DNAJC5B: variants seen among roughly 807,000 people sequenced by gnomAD.
DNAJC5B encodes the protein dnaJ homolog subfamily C member 5B.
DNAJC5B carries 23 observed loss-of-function variants against 24.7 expected under a neutral mutation model. The ratio of observed to expected loss-of-function variants is 0.93; its 90% CI spans 0.67 to 1.32. DNAJC5B has a LOEUF of 1.32. Among genes scored for constraint, DNAJC5B ranks in the 40% most tolerant of loss-of-function variants. The pLI is 0.00. For synonymous variants in DNAJC5B, 101 were observed against 90.1 expected, an observed-to-expected ratio of 1.12 and a Z score of -0.68; for missense variants, 238 against 240.8, an observed-to-expected ratio of 0.99 and a Z score of 0.08.
chr8:66,019,499 C>A (rs754543111), upstream of DNAJC5B, among the ~76,000 whole-genome samples: 18 of 152,190 alleles, frequency 1.2e-4, no homozygotes, highest in Non-Finnish European at 2.1e-4. Flanking sequence ...GGACCAAATT[C>A]ATGCATTAAT....
intron 1 of DNAJC5B, among the ~76,000 whole-genome samples, chr8:66,028,698 G>C (rs530287347): frequency 3.3e-5 from 5 of 151,984 alleles, no homozygotes; most frequent in African/African-American, 1.2e-4. Flanking sequence ...CATCTTTCCC[G>C]AACCCATCAC....
At chr8:66,087,592 A>C (rs912400313) in intron 5 of DNAJC5B, among the ~76,000 whole-genome samples, 9 of 152,202 alleles carry the variant, frequency 5.9e-5, no homozygotes, top group Non-Finnish European at 1.0e-4. Context: ...AAAGCAAGTT[A>C]GTTACTTCCA....
At chr8:66,088,199 C>G (rs1019261550) in intron 5 of DNAJC5B, among the ~76,000 whole-genome samples, 1 of 152,220 alleles carries the variant, frequency 6.6e-6, no homozygotes, top group Non-Finnish European at 1.5e-5. Context: ...ATTTGAGGCA[C>G]CCTCTGAAGC....
At chr8:66,035,421 G>C (rs1482412423) in intron 1 of DNAJC5B, among the ~76,000 whole-genome samples, 1 of 152,280 alleles carries the variant, frequency 6.6e-6, no homozygotes, top group East Asian at 1.9e-4. Flanking sequence ...TACTGGAGTA[G>C]GGTGGGCCCT....
intron 4 of DNAJC5B, among the ~76,000 whole-genome samples, chr8:66,077,549 T>A (rs1157943180): frequency 1.3e-5 from 2 of 152,204 alleles, no homozygotes; most frequent in African/African-American, 4.8e-5. Context: ...TTTTTATTTG[T>A]TTGTGAATAT....
intron 1 of DNAJC5B, among the ~76,000 whole-genome samples, chr8:66,033,770 CTTTTTTTTTTTT>C (rs765814272): frequency 1.1e-3 from 111 of 105,396 alleles, no homozygotes; most frequent in African/African-American, 4.3e-3. Context: ...GATCATTCCG[CTTTTTTTTTTTT>C]TTTTTTTTTT....
intron 5 of DNAJC5B, among the ~76,000 whole-genome samples, chr8:66,094,076 T>C (rs1807901674): frequency 6.6e-6 from 1 of 152,148 alleles, no homozygotes; most frequent in South Asian, 2.1e-4. Flanking sequence ...ACCAAGCCCA[T>C]TTATCACAAT....
chr8:66,094,939 C>T (rs1281307835), intron 5 of DNAJC5B, among the ~76,000 whole-genome samples: 2 of 151,966 alleles, frequency 1.3e-5, no homozygotes, highest in African/African-American at 2.4e-5. Context: ...ACTTTGCACT[C>T]CTTAGATAAT....
the DNAJC5B span, among the ~76,000 whole-genome samples, chr8:66,016,369 G>A: frequency 6.6e-6 from 1 of 152,128 alleles, no homozygotes; most frequent in African/African-American, 2.4e-5. Context: ...TAATGAGTGT[G>A]TCTCATGAGA....
At chr8:66,022,335 A>G (rs951187523) in intron 1 of DNAJC5B, among the ~76,000 whole-genome samples, 1 of 152,128 alleles carries the variant, frequency 6.6e-6, no homozygotes, top group Non-Finnish European at 1.5e-5. Flanking sequence ...AGAGGCTCTG[A>G]GTGACGGCAA....
chr8:66,052,772 T>C (rs554187527), intron 3 of DNAJC5B, among the ~76,000 whole-genome samples: 1 of 152,306 alleles, frequency 6.6e-6, no homozygotes, highest in South Asian at 2.1e-4. Flanking sequence ...GTCTTGACAA[T>C]ATTTTGGGAC....
At chr8:66,040,156 C>T (rs1211801226) in intron 1 of DNAJC5B, among the ~76,000 whole-genome samples, 1 of 152,090 alleles carries the variant, frequency 6.6e-6, no homozygotes, top group Non-Finnish European at 1.5e-5. Context: ...CTTTGGGAGG[C>T]CGAGGCAGGC....
At chr8:66,089,617 A>C (rs1166318118) in intron 5 of DNAJC5B, among the ~76,000 whole-genome samples, 1 of 152,192 alleles carries the variant, frequency 6.6e-6, no homozygotes, top group Admixed American at 6.5e-5. Context: ...GACTCTAGCT[A>C]AAGTCTAAGA....
chr8:66,096,194 A>G (rs13264487), intron 5 of DNAJC5B, among the ~76,000 whole-genome samples: 54,391 of 151,974 alleles, frequency 0.36, 13,692 homozygotes, highest in African/African-American at 0.71. Flanking sequence ...TCATCTCCCT[A>G]TGATTTCACA....
chr8:66,019,571 A>G (rs1462515416), upstream of DNAJC5B, among the ~76,000 whole-genome samples: 1 of 152,218 alleles, frequency 6.6e-6, no homozygotes, highest in African/African-American at 2.4e-5. Flanking sequence ...GGCAATTAAT[A>G]CTGTATTTCT....
intron 3 of DNAJC5B, among the ~76,000 whole-genome samples, chr8:66,075,954 G>C (rs974049445): frequency 1.3e-5 from 2 of 152,182 alleles, no homozygotes; most frequent in Non-Finnish European, 2.9e-5. Context: ...ACGTATGATA[G>C]GCACAGTAGG....
chr8:66,015,302 T>C, the DNAJC5B span, among the ~76,000 whole-genome samples: 1 of 152,106 alleles, frequency 6.6e-6, no homozygotes, highest in African/African-American at 2.4e-5. Flanking sequence ...TGAAGGGAAA[T>C]GATTAAGTAT....
At position 66,100,876 on chromosome 8, in the gene DNAJC5B, T is replaced by C. The variant is rs994030638; in HGVS notation, c.*845T>C. On this transcript the variant is annotated 3_prime_UTR_variant, in exon 6 of 6. Coordinates refer to ENST00000276570, the MANE Select transcript of DNAJC5B (RefSeq NM_033105.6). ...AAAACATGTATCACCTCATTTTTGT[T>C]AAAATTAGTTGCCTTGACCAGAAAT... Among the ~76,000 whole-genome samples, 3 of 152,220 alleles carry C rather than the reference T, an allele frequency of 2.0e-5. No homozygotes were observed. The highest frequency in any genetic ancestry group is 7.2e-5 in the African/African-American group (3 of 41,452).
intron 3 of DNAJC5B, among the ~76,000 whole-genome samples, chr8:66,054,567 T>C (rs550137586): frequency 1.3e-5 from 2 of 152,350 alleles, no homozygotes; most frequent in African/African-American, 4.8e-5. Context: ...GGTTGGAACC[T>C]TCACCATGTG....
Sources: allele counts gnomAD v4.1 joint callset (sites outside exome capture counted in the v4.1 genomes callset), GRCh38; gene constraint gnomAD v4.1.1; transcripts MANE v1.5; gene names NCBI Gene and HGNC (gene_info 2026-07-23, HGNC 2026-07-21).